APELA: variants seen among roughly 807,000 people sequenced by gnomAD.
APELA encodes protein Elabela.
intron 2 of APELA, among the ~76,000 whole-genome samples, chr4:164,889,065 G>A (rs1481739217): frequency 4.6e-5 from 7 of 151,844 alleles, no homozygotes; most frequent in Admixed American, 2.6e-4. Context: ...GTGCAATGAC[G>A]TGATCTCGCC....
At chr4:164,890,385 T>A (rs558688253) in intron 2 of APELA, among the ~76,000 whole-genome samples, 30 of 152,284 alleles carry the variant, frequency 2.0e-4, no homozygotes, top group African/African-American at 6.7e-4. Context: ...CCCATTCTCA[T>A]TAGCAGGCAC....
chr4:164,885,526 A>G (rs1304850431), intron 2 of APELA, among the ~76,000 whole-genome samples: 1 of 151,516 alleles, frequency 6.6e-6, no homozygotes, highest in Non-Finnish European at 1.5e-5. Flanking sequence ...AGATCGCTTG[A>G]GGTCAGGAGT....
chr4:164,894,774 C>T (rs1560861941), intron 2 of APELA, among the ~76,000 whole-genome samples: 3 of 152,200 alleles, frequency 2.0e-5, no homozygotes, highest in Non-Finnish European at 2.9e-5. Context: ...TGTGCTGAAG[C>T]CTTCCTCTCA....
At position 164,897,382 on chromosome 4, in the gene APELA, A is replaced by G. The variant is rs1350893672; in HGVS notation, c.*1968A>G. 1.3e-5 allele frequency: 2 copies of G among 152,244 alleles called. No individual in the cohort carries two copies. The highest frequency in any genetic ancestry group is 1.3e-4 in the Admixed American group (2 of 15,282). 9.4% of individuals were successfully genotyped at this position (152,244 alleles called of 1,614,324 possible). On this transcript the variant is annotated 3_prime_UTR_variant, in exon 3 of 3. Coordinates refer to ENST00000507152, the MANE Select transcript of APELA (RefSeq NM_001297550.2). Reference sequence around the variant, plus strand: ...AAAAAGAAAACACTTTATAGTCAAGATACATCTCATTCAATACAAGTCTAA... The same window carrying G: ...AAAAAGAAAACACTTTATAGTCAAGGTACATCTCATTCAATACAAGTCTAA...
intron 2 of APELA, among the ~76,000 whole-genome samples, chr4:164,889,499 T>G (rs924379277): frequency 2.0e-5 from 3 of 152,228 alleles, no homozygotes. Flanking sequence ...ATCCATTTAC[T>G]ACGTTTATCT....
At chr4:164,885,388 C>T (rs1393995726) in intron 2 of APELA, among the ~76,000 whole-genome samples, 1 of 151,986 alleles carries the variant, frequency 6.6e-6, no homozygotes, top group African/African-American at 2.4e-5. Flanking sequence ...CCCTCGGCCT[C>T]CCAAAGTGCT....
At chr4:164,879,237 T>G (rs1421122726) in intron 2 of APELA, 2 of 351,022 alleles carry the variant, frequency 5.7e-6, no homozygotes, top group Non-Finnish European at 1.0e-5. Context: ...TGTAGGAAAA[T>G]CTTGATAACT....
chr4:164,890,180 ACTTATTTT>A (rs1730852943), intron 2 of APELA, among the ~76,000 whole-genome samples: 1 of 152,194 alleles, frequency 6.6e-6, no homozygotes. Flanking sequence ...ACATATGTAC[ACTTATTTT>A]CTTGCAAAAT....
Position 164,896,635 on chromosome 4 carries a change from T to A in APELA, c.*1221T>A, listed in dbSNP as rs142292825. 16 of 152,218 alleles carry A rather than the reference T, an allele frequency of 1.1e-4. No homozygotes were observed. The highest frequency in any genetic ancestry group is 3.9e-4 in the African/African-American group (16 of 41,536). 9.4% of individuals were successfully genotyped at this position (152,218 alleles called of 1,614,324 possible). On this transcript the variant is annotated 3_prime_UTR_variant, in exon 3 of 3. Transcript: ENST00000507152. ...ATATGATTACTCAAAAAAGAAACTA[T>A]CCTGTCTAAATTTGAATTGTGTTGA...
chr4:164,888,036 A>T (rs958904788), intron 2 of APELA, among the ~76,000 whole-genome samples: 1 of 151,944 alleles, frequency 6.6e-6, no homozygotes, highest in African/African-American at 2.4e-5. Context: ...ACTTATTTCC[A>T]CTAAGTTCTC....
intron 1 of APELA, among the ~76,000 whole-genome samples, chr4:164,877,659 T>A (rs1364514504): frequency 6.6e-6 from 1 of 152,212 alleles, no homozygotes; most frequent in Non-Finnish European, 1.5e-5. Flanking sequence ...AGAAAATAGA[T>A]CTCTAAGCTA....
rs191664919 is a variant in APELA at position 164,886,704 on chromosome 4, A to G, written c.*1+7695A>G. ...TGAATATATTTACTTATACACTTAT[A>G]TATCAATGCATAAATATAGTGATGT... is the stretch of plus-strand genomic sequence containing the variant. On this transcript the variant is annotated intron_variant, in intron 2 of 2. Coordinates refer to ENST00000507152, the MANE Select transcript of APELA (RefSeq NM_001297550.2). Among the ~76,000 whole-genome samples, 5 of 152,356 alleles carry G rather than the reference A, an allele frequency of 3.3e-5. No homozygotes were observed. In the East Asian group the frequency reaches 9.6e-4, roughly 29 times the overall value.
At chr4:164,889,073 G>A (rs551051647) in intron 2 of APELA, among the ~76,000 whole-genome samples, 105 of 151,684 alleles carry the variant, frequency 6.9e-4, no homozygotes, top group Middle Eastern at 3.4e-3. Context: ...ACGTGATCTC[G>A]CCTCACTGCT....
chr4:164,884,103 ATGAAAGAAAGAAAGAAAG>A (rs1391608410), intron 2 of APELA, among the ~76,000 whole-genome samples: 3 of 45,278 alleles, frequency 6.6e-5, no homozygotes, highest in African/African-American at 1.3e-4. Flanking sequence ...GAAAGAAAGA[ATGAAAGAAAGAAAGAAAG>A]AGAAAGAAAG....
chr4:164,880,953 T>C (rs988807251), intron 2 of APELA, among the ~76,000 whole-genome samples: 43 of 152,292 alleles, frequency 2.8e-4, no homozygotes, highest in African/African-American at 1.0e-3. Flanking sequence ...TTTTCTCAGT[T>C]TTAGACTCGT....
chr4:164,884,121 G>GAATGAA (rs5863729), intron 2 of APELA, among the ~76,000 whole-genome samples: 2 of 113,290 alleles, frequency 1.8e-5, no homozygotes, highest in African/African-American at 7.5e-5. Context: ...AAGAAAGAAA[G>GAATGAA]AGAAAGAAAG....
intron 2 of APELA, among the ~76,000 whole-genome samples, chr4:164,889,728 T>C (rs1483234748): frequency 6.6e-6 from 1 of 152,124 alleles, no homozygotes; most frequent in African/African-American, 2.4e-5. Context: ...TATCTGTGGG[T>C]TTTTCATTAA....
At chr4:164,879,341 A>AG (rs1198223348) in intron 2 of APELA, 1 of 187,152 alleles carries the variant, frequency 5.3e-6, no homozygotes, top group Admixed American at 6.1e-5. Flanking sequence ...TGTGTATGAA[A>AG]GCATTTGGAT....
In APELA at chr4:164,895,517, G is replaced by A. The variant is rs1730956990; in HGVS notation, c.*103G>A. 1 of 151,954 alleles carries A rather than the reference G, an allele frequency of 6.6e-6. No individual in the cohort carries two copies. The highest frequency in any genetic ancestry group is 2.4e-5 in the African/African-American group (1 of 41,208). The allele number at this position is 151,954 out of a possible 1,614,324, so 9.4% of individuals were successfully genotyped here. ...ACTTCATGATGCCAACAGCGTGATT[G>A]CTTAGAAGTTCCTACACAAAAAAAG... On this transcript the variant is annotated 3_prime_UTR_variant, in exon 3 of 3. Transcript: ENST00000507152.
Sources: gnomAD v4.1 joint callset for allele counts (sites outside exome capture counted in the v4.1 genomes callset) on GRCh38, gnomAD v4.1.1 for gene constraint, MANE v1.5 for transcripts, NCBI Gene and HGNC (gene_info 2026-07-23, HGNC 2026-07-21) for gene names.